ATP8A1: variants seen among roughly 807,000 people sequenced by gnomAD.
The protein encoded by ATP8A1 is phospholipid-transporting ATPase IA.
A neutral mutation model predicts 177.7 loss-of-function variants in ATP8A1; 90 were observed. That is an observed-to-expected ratio of 0.51 (90% CI 0.43 to 0.60). ATP8A1 has a LOEUF of 0.60. Ranked by LOEUF, ATP8A1 falls within the 20% of genes least tolerant of loss-of-function variation. ATP8A1 has a pLI of 0.00. For synonymous variants in ATP8A1, 493 were observed against 485.9 expected (o/e 1.01, Z -0.19); for missense variants, 1,072 against 1,392.8 (o/e 0.77, Z 3.67).
intron 22 of ATP8A1, among the ~76,000 whole-genome samples, chr4:42,516,596 A>G (rs956128507): frequency 6.6e-6 from 1 of 152,234 alleles, no homozygotes; most frequent in Non-Finnish European, 1.5e-5. Context: ...TACTAAAGAC[A>G]TAATTGTATT....
chr4:42,575,768 A>G, intron 12 of ATP8A1, 69 bp from the exon 13 acceptor site: 7 of 1,283,050 alleles, frequency 5.5e-6, no homozygotes, highest in Non-Finnish European at 7.9e-6. Flanking sequence ...TTTAAAAGAA[A>G]ACAATTAGTA....
At chr4:42,474,814 C>G (rs1720869299) in intron 25 of ATP8A1, among the ~76,000 whole-genome samples, 1 of 151,510 alleles carries the variant, frequency 6.6e-6, no homozygotes, top group Non-Finnish European at 1.5e-5. Context: ...CTGTTAGAAA[C>G]AATAGGGGAA....
intron 12 of ATP8A1, 150 bp downstream of exon 12, chr4:42,578,110 G>T: frequency 1.4e-6 from 1 of 703,650 alleles, no homozygotes; most frequent in Non-Finnish European, 2.1e-6. Flanking sequence ...ATTCTGAGAT[G>T]AGGAACTTTG....
chr4:42,623,745 A>G (rs888920809), intron 4 of ATP8A1, among the ~76,000 whole-genome samples: 17 of 152,168 alleles, frequency 1.1e-4, no homozygotes, highest in Non-Finnish European at 1.5e-5. Flanking sequence ...AACTAAAAGT[A>G]ACTAATAGAT....
Position 42,516,398 on chromosome 4 carries a change from TA to T in ATP8A1, c.1947+5761del, listed in dbSNP as rs1035476510. The stretch of plus-strand genomic sequence containing the variant: ...ATAAAAGCATTGGATAAGTTTCCAT[TA>T]AAAAAAAAAGTTTCCCAATCCACGC... On this transcript the variant is annotated intron_variant, in intron 22 of 36. Coordinates refer to ENST00000381668, the MANE Select transcript of ATP8A1 (RefSeq NM_006095.2). 3.9e-3 allele frequency among the ~76,000 whole-genome samples: 582 copies of T among 148,344 alleles called. 3 individuals are homozygous for T. Among genetic ancestry groups the T allele is most frequent in the African/African-American group, 0.013 (546 of 40,660 alleles).
intron 25 of ATP8A1, among the ~76,000 whole-genome samples, chr4:42,473,646 T>C (rs1720720435): frequency 6.6e-6 from 1 of 151,918 alleles, no homozygotes; most frequent in African/African-American, 2.4e-5. Context: ...TTTAATTAAA[T>C]TGATAAATTA....
chr4:42,555,139 A>ATCTATCTATCTATCT (rs1553903246), intron 16 of ATP8A1, among the ~76,000 whole-genome samples: 8 of 59,550 alleles, frequency 1.3e-4, no homozygotes, highest in African/African-American at 2.1e-4. Flanking sequence ...CTATCTATCT[A>ATCTATCTATCTATCT]ATCTATCTAT....
intron 15 of ATP8A1, among the ~76,000 whole-genome samples, chr4:42,565,127 C>G (rs543860556): frequency 6.6e-6 from 1 of 152,328 alleles, no homozygotes; most frequent in East Asian, 1.9e-4. Context: ...AATTAAACCT[C>G]TTTCTTTTGT....
chr4:42,646,710 G>A (rs534597808), intron 1 of ATP8A1, among the ~76,000 whole-genome samples: 10 of 152,232 alleles, frequency 6.6e-5, no homozygotes, highest in Non-Finnish European at 8.8e-5. Flanking sequence ...GTGACATTCT[G>A]AGCTGTCACT....
intron 33 of ATP8A1, among the ~76,000 whole-genome samples, chr4:42,430,881 C>A (rs565001973): frequency 6.6e-6 from 1 of 152,160 alleles, no homozygotes; most frequent in African/African-American, 2.4e-5. Context: ...AGCCACAGGT[C>A]CTGGTCACAA....
At position 42,644,873 on chromosome 4, in the gene ATP8A1, C is replaced by T. The variant is rs529533326; in HGVS notation, c.49+11952G>A. On this transcript the variant is annotated intron_variant, in intron 1 of 36. Coordinates refer to ENST00000381668, the MANE Select transcript of ATP8A1 (RefSeq NM_006095.2). Reference sequence around the variant, plus strand: ...GGATAAATCAATAAATCTAGACTGACGAAAATATACTCCTTGAAAAAAAAA... The same window carrying T: ...GGATAAATCAATAAATCTAGACTGATGAAAATATACTCCTTGAAAAAAAAA... 3.3e-3 allele frequency among the ~76,000 whole-genome samples: 497 copies of T among 150,902 alleles called. 4 individuals carry two copies. The highest frequency in any genetic ancestry group is 0.011 in the African/African-American group (462 of 41,034).
intron 24 of ATP8A1, among the ~76,000 whole-genome samples, chr4:42,496,191 T>C (rs1723254992): frequency 6.6e-6 from 1 of 152,162 alleles, no homozygotes; most frequent in African/African-American, 2.4e-5. Flanking sequence ...TGAATCTGTG[T>C]CCAGTCTGTG....
rs1712281003 is a variant in ATP8A1, at chr4:42,408,958, GAGA to G, written c.*3955_*3957del. ...CCTACTTAAGGGAGATTTATTTGCTGAGAAGTTTTGGGAGCTTTATTAAGAAAA... is the reference window on the plus strand; with the variant it reads ...CCTACTTAAGGGAGATTTATTTGCTGAGTTTTGGGAGCTTTATTAAGAAAA... On this transcript the variant is annotated 3_prime_UTR_variant, in exon 37 of 37. Transcript: ENST00000381668. 6.6e-6 allele frequency: 1 copy of G among 152,188 alleles called. No individual in the cohort carries two copies. Among genetic ancestry groups the G allele is most frequent in the Non-Finnish European group, 1.5e-5 (1 of 68,016 alleles). The allele number at this position is 152,188 out of a possible 1,614,324, so 9.4% of individuals were successfully genotyped here.
At chr4:42,542,882 A>T (rs1327872651) in intron 20 of ATP8A1, among the ~76,000 whole-genome samples, 1 of 152,174 alleles carries the variant, frequency 6.6e-6, no homozygotes, top group Non-Finnish European at 1.5e-5. Flanking sequence ...AATACACTTT[A>T]AAATTGTATC....
chr4:42,567,271 G>A (rs184494624), intron 15 of ATP8A1, among the ~76,000 whole-genome samples: 1 of 152,310 alleles, frequency 6.6e-6, no homozygotes, highest in East Asian at 1.9e-4. Flanking sequence ...GGGCATGGTG[G>A]CTGACACCTG....
chr4:42,439,641 T>C (rs1716399888), intron 33 of ATP8A1, among the ~76,000 whole-genome samples: 1 of 152,148 alleles, frequency 6.6e-6, no homozygotes, highest in Non-Finnish European at 1.5e-5. Flanking sequence ...GTGGCACTGA[T>C]GTGGAAGAAG....
intron 35 of ATP8A1, among the ~76,000 whole-genome samples, chr4:42,418,364 C>T (rs77935150): frequency 0.24 from 35,992 of 151,764 alleles, 4,342 homozygotes; most frequent in African/African-American, 0.28. Context: ...ATTGTATTTG[C>T]CTATGAAATG....
intron 33 of ATP8A1, among the ~76,000 whole-genome samples, chr4:42,424,691 T>C (rs1714382851): frequency 6.6e-6 from 1 of 152,250 alleles, no homozygotes. Flanking sequence ...TTTTAAATTA[T>C]ATTTCAGATT....
chr4:42,654,795 C>G (rs1348250905), intron 1 of ATP8A1, among the ~76,000 whole-genome samples: 2 of 152,170 alleles, frequency 1.3e-5, no homozygotes, highest in African/African-American at 4.8e-5. Flanking sequence ...AACCATAGTC[C>G]AATCAGCTGA....
Sources: gnomAD v4.1 joint callset for allele counts (sites outside exome capture counted in the v4.1 genomes callset) on GRCh38, gnomAD v4.1.1 for gene constraint, MANE v1.5 for transcripts, NCBI Gene and HGNC (gene_info 2026-07-23, HGNC 2026-07-21) for gene names.